The following NAALADL2 variants were observed in gnomAD, a reference collection of about 807,000 sequenced individuals.
NAALADL2 encodes N-acetylated alpha-linked acidic dipeptidase like 2, also known as inactive N-acetylated-alpha-linked acidic dipeptidase-like protein 2.
Under a neutral mutation model 87.2 loss-of-function variants are expected in NAALADL2, and 76 were observed. That is an observed-to-expected ratio of 0.87 (90% CI 0.72 to 1.05). The LOEUF is 1.05. Among genes scored for constraint, NAALADL2 ranks in the 50% least tolerant of loss-of-function variants. NAALADL2 has a pLI of 0.00. For missense variants in NAALADL2, 1,089 were observed against 945.8 expected (o/e 1.15, Z -1.99); for synonymous variants, 354 against 331.0 (o/e 1.07, Z -0.75).
intron 13 of NAALADL2, among the ~76,000 whole-genome samples, chr3:175,762,482 C>A (rs1748156692): frequency 6.6e-6 from 1 of 152,068 alleles, no homozygotes; most frequent in Non-Finnish European, 1.5e-5. Context: ...TAATTAGCAT[C>A]TCTGAGCATC....
intron 3 of NAALADL2, among the ~76,000 whole-genome samples, chr3:174,845,785 A>G (rs904999234): frequency 2.0e-5 from 3 of 152,134 alleles, no homozygotes; most frequent in Admixed American, 1.3e-4. Flanking sequence ...TCAGCCATTA[A>G]GGTCTTGGTC....
intron 1 of NAALADL2, among the ~76,000 whole-genome samples, chr3:175,075,373 G>T (rs1003149591): frequency 6.6e-6 from 1 of 152,080 alleles, no homozygotes; most frequent in African/African-American, 2.4e-5. Context: ...TATATAAAAA[G>T]GAAACTACAA....
At chr3:175,207,561 T>C (rs1741129726) in intron 2 of NAALADL2, among the ~76,000 whole-genome samples, 1 of 152,080 alleles carries the variant, frequency 6.6e-6, no homozygotes, top group Non-Finnish European at 1.5e-5. Flanking sequence ...CATTACCCAT[T>C]AGAACACACT....
chr3:174,441,942 AGTTATCCCT>A (rs1714680294), intron 1 of NAALADL2, among the ~76,000 whole-genome samples: 4 of 152,094 alleles, frequency 2.6e-5, no homozygotes, highest in Non-Finnish European at 5.9e-5. Flanking sequence ...GTTGTGTTGC[AGTTATCCCT>A]GCGGAACAGA....
chr3:175,695,223 C>A (rs186276033), intron 11 of NAALADL2, among the ~76,000 whole-genome samples: 1 of 152,266 alleles, frequency 6.6e-6, no homozygotes, highest in East Asian at 1.9e-4. Flanking sequence ...TTCTGTTTTT[C>A]TACTCCTTCC....
chr3:174,626,833 C>T (rs375874231), intron 2 of NAALADL2, among the ~76,000 whole-genome samples: 1 of 151,964 alleles, frequency 6.6e-6, no homozygotes, highest in East Asian at 1.9e-4. Flanking sequence ...TTCTTAATAC[C>T]AATTTTAGAA....
intron 2 of NAALADL2, among the ~76,000 whole-genome samples, chr3:174,716,165 C>T (rs1731163223): frequency 6.6e-6 from 1 of 151,996 alleles, no homozygotes; most frequent in Non-Finnish European, 1.5e-5. Context: ...TTATATCATC[C>T]TCTATTGGGA....
chr3:175,506,845 T>C (rs1198757879), intron 9 of NAALADL2, among the ~76,000 whole-genome samples: 2 of 152,192 alleles, frequency 1.3e-5, no homozygotes, highest in Admixed American at 6.5e-5. Context: ...GAGGTCATAG[T>C]TATAAGGTGC....
At chr3:175,390,361 A>G (rs921998768) in intron 5 of NAALADL2, among the ~76,000 whole-genome samples, 1 of 152,226 alleles carries the variant, frequency 6.6e-6, no homozygotes, top group African/African-American at 2.4e-5. Flanking sequence ...AAGAAGTGGT[A>G]GTAGATATTC....
intron 1 of NAALADL2, among the ~76,000 whole-genome samples, chr3:174,962,792 G>A (rs1474508366): frequency 6.6e-6 from 1 of 151,932 alleles, no homozygotes; most frequent in Non-Finnish European, 1.5e-5. Flanking sequence ...GTTTTCCTTG[G>A]ACAAATACAG....
chr3:174,961,657 C>T (rs1462442948), intron 1 of NAALADL2, among the ~76,000 whole-genome samples: 2 of 151,916 alleles, frequency 1.3e-5, no homozygotes, highest in African/African-American at 4.8e-5. Flanking sequence ...TCATAATTAG[C>T]GGCACTACTA....
intron 10 of NAALADL2, among the ~76,000 whole-genome samples, chr3:175,620,572 C>G (rs1726072506): frequency 6.6e-6 from 1 of 152,158 alleles, no homozygotes; most frequent in Non-Finnish European, 1.5e-5. Flanking sequence ...CACAGATCGG[C>G]AGGCAGAAAG....
chr3:174,970,692 T>G (rs1449585729), intron 1 of NAALADL2, among the ~76,000 whole-genome samples: 1 of 152,208 alleles, frequency 6.6e-6, no homozygotes, highest in Non-Finnish European at 1.5e-5. Flanking sequence ...CATCTTTCAC[T>G]CTATTTTCCG....
At chr3:175,734,222 G>C (rs545321951) in intron 11 of NAALADL2, among the ~76,000 whole-genome samples, 1 of 152,270 alleles carries the variant, frequency 6.6e-6, no homozygotes, top group East Asian at 1.9e-4. Context: ...ACAAATATTT[G>C]CTTGGGCATT....
chr3:175,092,750 A>G (rs1475149855), intron 1 of NAALADL2, among the ~76,000 whole-genome samples: 2 of 151,906 alleles, frequency 1.3e-5, no homozygotes, highest in Non-Finnish European at 2.9e-5. Context: ...TTTTATTTTT[A>G]TAATAGAGGG....
chr3:175,043,912 A>C (rs1195372458), intron 1 of NAALADL2, among the ~76,000 whole-genome samples: 4 of 152,178 alleles, frequency 2.6e-5, no homozygotes, highest in African/African-American at 9.6e-5. Flanking sequence ...TTTTTATCAT[A>C]AATGCCATTG....
At chr3:175,397,933 T>C (rs894170939) in intron 5 of NAALADL2, among the ~76,000 whole-genome samples, 1 of 152,146 alleles carries the variant, frequency 6.6e-6, no homozygotes, top group African/African-American at 2.4e-5. Context: ...TGCCATGTTA[T>C]TAACACAGTA....
At chr3:174,700,718 CAAAT>C (rs1409203033) in intron 2 of NAALADL2, among the ~76,000 whole-genome samples, 2 of 152,074 alleles carry the variant, frequency 1.3e-5, no homozygotes, top group African/African-American at 2.4e-5. Flanking sequence ...AGTAAGCAAA[CAAAT>C]AAATAAATAG....
intron 9 of NAALADL2, among the ~76,000 whole-genome samples, chr3:175,537,149 T>C (rs185937857): frequency 3.3e-5 from 5 of 152,320 alleles, no homozygotes; most frequent in Admixed American, 3.3e-4. Context: ...AGAGAAAATA[T>C]ATAACTTGTT....
Sources: gnomAD v4.1 joint callset for allele counts (sites outside exome capture counted in the v4.1 genomes callset) on GRCh38, gnomAD v4.1.1 for gene constraint, MANE v1.5 for transcripts, NCBI Gene and HGNC (gene_info 2026-07-23, HGNC 2026-07-21) for gene names.